SPHKAP: variants seen among roughly 807,000 people sequenced by gnomAD.
SPHKAP encodes the protein SPHK1 interactor, AKAP domain containing, also known as A-kinase anchor protein SPHKAP.
SPHKAP carries 67 observed loss-of-function variants against 137.5 expected under a neutral mutation model. That is an observed-to-expected ratio of 0.49 (90% CI 0.40 to 0.60). The LOEUF is 0.60. SPHKAP is among the 20% of genes least tolerant of loss of function. The pLI is 0.00. For synonymous variants in SPHKAP, 813 were observed against 785.3 expected (o/e 1.04, Z -0.59); for missense variants, 2,097 against 2,069.3 (o/e 1.01, Z -0.26).
At chr2:228,088,279 C>A (rs1005789624) in intron 3 of SPHKAP, among the ~76,000 whole-genome samples, 1 of 151,984 alleles carries the variant, frequency 6.6e-6, no homozygotes, top group African/African-American at 2.4e-5. Context: ...GTATTAATAA[C>A]ATTAAAAACA....
At chr2:228,084,197 G>C (rs1697465356) in intron 3 of SPHKAP, among the ~76,000 whole-genome samples, 1 of 151,954 alleles carries the variant, frequency 6.6e-6, no homozygotes, top group African/African-American at 2.4e-5. Context: ...CCTCTCAAAG[G>C]AATGACTGGA....
At chr2:228,131,471 C>T (rs1699247080) in intron 2 of SPHKAP, among the ~76,000 whole-genome samples, 1 of 144,514 alleles carries the variant, frequency 6.9e-6, no homozygotes, top group Non-Finnish European at 1.5e-5. Flanking sequence ...TTGCAAGTAT[C>T]TTAGAGCATA....
At chr2:228,050,894 C>G (rs980560329) in intron 3 of SPHKAP, among the ~76,000 whole-genome samples, 1 of 152,176 alleles carries the variant, frequency 6.6e-6, no homozygotes, top group Non-Finnish European at 1.5e-5. Flanking sequence ...GCAGCCTCAA[C>G]TTCCTGGGCT....
chr2:228,171,168 C>G (rs555340257), intron 1 of SPHKAP, among the ~76,000 whole-genome samples: 66 of 152,126 alleles, frequency 4.3e-4, no homozygotes, highest in African/African-American at 1.5e-3. Context: ...CAAGTGCTTC[C>G]AATTTTGTTT....
chr2:228,130,661 A>G (rs1699220928), intron 2 of SPHKAP, among the ~76,000 whole-genome samples: 1 of 152,168 alleles, frequency 6.6e-6, no homozygotes, highest in African/African-American at 2.4e-5. Context: ...ACAGCATATG[A>G]TGAAGCATTT....
At chr2:228,093,137 T>A (rs1403586385) in intron 3 of SPHKAP, among the ~76,000 whole-genome samples, 1 of 152,226 alleles carries the variant, frequency 6.6e-6, no homozygotes, top group Non-Finnish European at 1.5e-5. Context: ...TAACAAGTTT[T>A]GGTGAAGTAG....
chr2:228,069,016 C>G (rs1270852048), intron 3 of SPHKAP, among the ~76,000 whole-genome samples: 1 of 152,146 alleles, frequency 6.6e-6, no homozygotes, highest in Non-Finnish European at 1.5e-5. Context: ...GCAAAGATCC[C>G]AGCACTTTTG....
intron 4 of SPHKAP, 61 bp downstream of exon 4, chr2:228,027,423 T>C (rs1695087773): frequency 2.0e-6 from 3 of 1,529,528 alleles, no homozygotes; most frequent in East Asian, 2.2e-5. Context: ...TATTTACAGA[T>C]GAAATCAAGT....
Position 228,030,726 on chromosome 2 carries a change from AT to A in SPHKAP, c.247-3184del, listed in dbSNP as rs397974672. 2.8e-3 allele frequency among the ~76,000 whole-genome samples: 409 copies of A among 146,712 alleles called. 1 individual carries two copies. The highest frequency in any genetic ancestry group is 5.6e-3 in the Admixed American group (83 of 14,746). ...TGACTGCCCAATGCACCTCCATAAT[AT>A]TTTTTTTTTTTTACATTTTTGACTA... On this transcript the variant is annotated intron_variant, in intron 3 of 11. Transcript: ENST00000392056.
At chr2:228,074,477 TGCTGGCAGGGGAAATGCCA>T (rs1697109605) in intron 3 of SPHKAP, among the ~76,000 whole-genome samples, 2 of 151,890 alleles carry the variant, frequency 1.3e-5, no homozygotes, top group Non-Finnish European at 2.9e-5. Flanking sequence ...GGAGAATGAG[TGCTGGCAGGGGAAATGCCA>T]GATGCTTATA....
chr2:228,101,315 A>G (rs543600182), intron 3 of SPHKAP, among the ~76,000 whole-genome samples: 3 of 152,302 alleles, frequency 2.0e-5, no homozygotes, highest in East Asian at 3.9e-4. Flanking sequence ...ATTCATTAAC[A>G]TATGCTGTTT....
chr2:228,134,358 C>G (rs866158335), intron 1 of SPHKAP, among the ~76,000 whole-genome samples: 1 of 152,172 alleles, frequency 6.6e-6, no homozygotes, highest in Non-Finnish European at 1.5e-5. Flanking sequence ...TGCCACCTAG[C>G]CTTTCTGAGT....
chr2:228,099,853 TTG>T (rs61600006), intron 3 of SPHKAP, among the ~76,000 whole-genome samples: 56,195 of 129,014 alleles, frequency 0.44, 10,618 homozygotes, highest in Admixed American at 0.51. Context: ...TGATTTTTTT[TTG>T]TTTGTTTTTT....
chr2:228,161,917 A>G (rs1473452325), intron 1 of SPHKAP, among the ~76,000 whole-genome samples: 1 of 152,156 alleles, frequency 6.6e-6, no homozygotes, highest in African/African-American at 2.4e-5. Context: ...ATTCAGAAAT[A>G]TTCCTAGGCT....
chr2:228,151,648 CATT>C (rs1388812347), intron 1 of SPHKAP, among the ~76,000 whole-genome samples: 2 of 152,068 alleles, frequency 1.3e-5, no homozygotes, highest in Non-Finnish European at 2.9e-5. Flanking sequence ...GATGGTATCT[CATT>C]GTGGTTTTGA....
chr2:227,993,504 C>T (rs755910812), intron 9 of SPHKAP, 30 bp downstream of exon 9: 1 of 1,560,710 alleles, frequency 6.4e-7, no homozygotes, highest in Admixed American at 1.8e-5. Context: ...GTAGTGGTCT[C>T]ACAATCACTG....
chr2:228,085,449 G>A (rs1050881440), intron 3 of SPHKAP, among the ~76,000 whole-genome samples: 3 of 152,102 alleles, frequency 2.0e-5, no homozygotes, highest in African/African-American at 4.8e-5. Context: ...TGGAAAAAAC[G>A]AACAGCATCA....
chr2:228,078,312 T>A (rs989243918), intron 3 of SPHKAP, among the ~76,000 whole-genome samples: 7 of 151,784 alleles, frequency 4.6e-5, no homozygotes, highest in Admixed American at 2.6e-4. Flanking sequence ...TACCAAACCA[T>A]CAACACAGAG....
chr2:227,991,054 T>C lies in SPHKAP; in HGVS notation c.4905A>G (p.Glu1635=), dbSNP rs1220525917. 1.2e-6 allele frequency: 2 copies of C among 1,614,060 alleles called. No homozygotes were observed. Among genetic ancestry groups the C allele is most frequent in the Non-Finnish European group, 1.7e-6 (2 of 1,180,018 alleles). Residue 1635 remains glutamate, a synonymous_variant, in exon 11 of 12, where the codon GAA becomes GAG. Coordinates refer to ENST00000392056, the MANE Select transcript of SPHKAP (RefSeq NM_001142644.2). The part of the protein sequence containing the change: ...RATLQWIAAS[E]LGIPTIYFKK... ...TAAAGTAGATGGTGGGAATCCCCAG[T>C]TCAGAGGCAGCTATCCACTGCAGAG...
Sources: gnomAD v4.1 joint callset for allele counts (sites outside exome capture counted in the v4.1 genomes callset) on GRCh38, gnomAD v4.1.1 for gene constraint, MANE v1.5 for transcripts, NCBI Gene and HGNC (gene_info 2026-07-23, HGNC 2026-07-21) for gene names.